The following SLC14A2 variants were observed in gnomAD, a reference collection of about 807,000 sequenced individuals.
SLC14A2 encodes solute carrier family 14 member 2, also known as urea transporter 2.
Under a neutral mutation model 104.6 loss-of-function variants are expected in SLC14A2, and 91 were observed. The ratio of observed to expected loss-of-function variants is 0.87; its 90% confidence interval spans 0.73 to 1.04. The LOEUF (loss-of-function observed/expected upper bound fraction) is 1.04, where lower values mean the gene tolerates loss of function less well. Ranked by LOEUF, SLC14A2 falls within the 50% of genes least tolerant of loss-of-function variation. The pLI is 0.00. For missense variants in SLC14A2, 1,189 were observed against 1,156.0 expected, an observed-to-expected ratio of 1.03 and a Z score of -0.41; for synonymous variants, 476 against 466.4, an observed-to-expected ratio of 1.02 and a Z score of -0.27.
At chr18:45,504,616 T>G (rs1001491951) in intron 2 of SLC14A2, among the ~76,000 whole-genome samples, 4 of 152,242 alleles carry the variant, frequency 2.6e-5, no homozygotes, top group African/African-American at 9.6e-5. Flanking sequence ...TAGTGACCAT[T>G]AAGAAATGAA....
the SLC14A2 span, among the ~76,000 whole-genome samples, chr18:45,184,395 A>C: frequency 6.6e-6 from 1 of 152,210 alleles, no homozygotes; most frequent in African/African-American, 2.4e-5. Flanking sequence ...ATTCCTATTT[A>C]AGTTCATAAG....
chr18:45,192,026 C>T, the SLC14A2 span, among the ~76,000 whole-genome samples: 15 of 152,060 alleles, frequency 9.9e-5, no homozygotes, highest in African/African-American at 3.4e-4. Flanking sequence ...TTGAGGAATC[C>T]CAACTCATGA....
At chr18:45,348,344 A>G (rs958860981) in intron 1 of SLC14A2, among the ~76,000 whole-genome samples, 7 of 152,228 alleles carry the variant, frequency 4.6e-5, no homozygotes, top group African/African-American at 1.4e-4. Context: ...AAACCCTTGC[A>G]TATAACTCAT....
intron 2 of SLC14A2, among the ~76,000 whole-genome samples, chr18:45,534,438 C>A (rs548403113): frequency 6.6e-6 from 1 of 152,276 alleles, no homozygotes; most frequent in African/African-American, 2.4e-5. Context: ...AGAGCTAAAA[C>A]CAGCTCAGTG....
the SLC14A2 span, among the ~76,000 whole-genome samples, chr18:45,190,588 T>C: frequency 6.6e-6 from 1 of 152,140 alleles, no homozygotes; most frequent in African/African-American, 2.4e-5. Flanking sequence ...AAAAACCAAA[T>C]TGGTCAACTG....
chr18:45,250,494 C>CTTGTTT (rs1568120999), intron 1 of SLC14A2, among the ~76,000 whole-genome samples: 1 of 151,704 alleles, frequency 6.6e-6, no homozygotes, highest in Non-Finnish European at 1.5e-5. Context: ...ATTTTTATGA[C>CTTGTTT]TCTTGTTTTC....
the SLC14A2 span, among the ~76,000 whole-genome samples, chr18:45,198,505 A>G: frequency 6.6e-6 from 1 of 152,226 alleles, no homozygotes; most frequent in Middle Eastern, 3.4e-3. Flanking sequence ...CTTATTCTGT[A>G]GCTTGCTTCC....
rs531012343 is a variant in SLC14A2, at chr18:45,445,825, C to G, written c.-124-37408C>G. 8.5e-4 allele frequency among the ~76,000 whole-genome samples: 129 copies of G among 152,256 alleles called. 1 individual carries two copies. The highest frequency in any genetic ancestry group is 2.9e-3 in the African/African-American group (120 of 41,544). On this transcript the variant is annotated intron_variant, in intron 1 of 20. Transcript: ENST00000586448. ...ATTATCCCACTAACCTGTAGTGTGC[C>G]TAAAATTCCTACTCTTAGAATTCTC... is the stretch of plus-strand genomic sequence containing the variant.
chr18:45,512,622 A>G (rs1278617367), intron 2 of SLC14A2, among the ~76,000 whole-genome samples: 2 of 152,160 alleles, frequency 1.3e-5, no homozygotes, highest in Non-Finnish European at 2.9e-5. Context: ...TGACAGCTTG[A>G]TGGTCTTCCA....
At position 45,335,404 on chromosome 18, in the gene SLC14A2, T is replaced by C. The variant is rs116579289; in HGVS notation, c.-125+122213T>C. ...AATTAGATGCTTTTTTGAGGACATC[T>C]ATTGAAGGTAGATTGATTGACTGCA... On this transcript the variant is annotated intron_variant, in intron 1 of 20. Transcript: ENST00000586448. 5.0e-3 allele frequency among the ~76,000 whole-genome samples: 767 copies of C among 152,354 alleles called. 6 individuals are homozygous for C. Among genetic ancestry groups the C allele is most frequent in the African/African-American group, 0.018 (739 of 41,584 alleles).
chr18:45,369,468 A>G (rs1336926392), intron 1 of SLC14A2, among the ~76,000 whole-genome samples: 1 of 152,242 alleles, frequency 6.6e-6, no homozygotes, highest in Non-Finnish European at 1.5e-5. Flanking sequence ...TCATATATTT[A>G]GTAGTGAAAT....
At chr18:45,495,448 T>C (rs892281883) in intron 2 of SLC14A2, among the ~76,000 whole-genome samples, 6 of 152,202 alleles carry the variant, frequency 3.9e-5, no homozygotes, top group Non-Finnish European at 7.3e-5. Flanking sequence ...TAGTCAGCAC[T>C]GTAGACCTCA....
intron 2 of SLC14A2, among the ~76,000 whole-genome samples, chr18:45,566,215 C>T (rs2044264561): frequency 1.3e-5 from 2 of 152,180 alleles, no homozygotes; most frequent in African/African-American, 2.4e-5. Flanking sequence ...GTGCTCTGAT[C>T]GTGCCCATTT....
chr18:45,437,418 G>A (rs1187532245), intron 1 of SLC14A2, among the ~76,000 whole-genome samples: 1 of 152,108 alleles, frequency 6.6e-6, no homozygotes, highest in Non-Finnish European at 1.5e-5. Context: ...TTCTCTGCTT[G>A]TGGAGAGTCA....
upstream of SLC14A2, among the ~76,000 whole-genome samples, chr18:45,611,112 T>C (rs1425517549): frequency 2.0e-5 from 3 of 152,024 alleles, no homozygotes; most frequent in Non-Finnish European, 2.9e-5. Context: ...CCATTAAGCA[T>C]TTTCCCTACC....
chr18:45,307,886 T>C (rs1350325290), intron 1 of SLC14A2, among the ~76,000 whole-genome samples: 1 of 152,240 alleles, frequency 6.6e-6, no homozygotes, highest in Non-Finnish European at 1.5e-5. Context: ...AACTGGCTTA[T>C]GGTTCTGCAA....
At chr18:45,210,308 G>A (rs1266442969), upstream of SLC14A2, among the ~76,000 whole-genome samples, 2 of 152,164 alleles carry the variant, frequency 1.3e-5, no homozygotes, top group Admixed American at 6.5e-5. Flanking sequence ...ATAAAACAAA[G>A]GTGGCCTGGC....
intron 2 of SLC14A2, among the ~76,000 whole-genome samples, chr18:45,497,176 C>T (rs1379717475): frequency 6.6e-6 from 1 of 152,144 alleles, no homozygotes; most frequent in Admixed American, 6.5e-5. Context: ...ATGACAGAGG[C>T]AGAAAGTGAT....
intron 1 of SLC14A2, among the ~76,000 whole-genome samples, chr18:45,338,423 G>C (rs573442347): frequency 2.4e-4 from 36 of 151,892 alleles, no homozygotes; most frequent in African/African-American, 8.7e-4. Context: ...GGATGGTTTC[G>C]ATCTCCTGAC....
Sources: allele counts gnomAD v4.1 joint callset (sites outside exome capture counted in the v4.1 genomes callset), GRCh38; gene constraint gnomAD v4.1.1; transcripts MANE v1.5; gene names NCBI Gene and HGNC (gene_info 2026-07-23, HGNC 2026-07-21).